GRIK2: variants seen among roughly 807,000 people sequenced by gnomAD.
GRIK2 encodes glutamate receptor ionotropic, kainate 2.
Under a neutral mutation model 100.3 loss-of-function variants are expected in GRIK2, and 32 were observed. The observed-to-expected ratio is 0.32, with a 90% CI of 0.24 to 0.43. The LOEUF is 0.43. Ranked by LOEUF, GRIK2 falls within the 20% of genes least tolerant of loss-of-function variation. GRIK2 has a pLI of 1.00. For synonymous variants in GRIK2, 417 were observed against 389.4 expected, an observed-to-expected ratio of 1.07 and a Z score of -0.83; for missense variants, 843 against 1,114.9, an observed-to-expected ratio of 0.76 and a Z score of 3.47.
chr6:101,737,048 T>A (rs1442053524), intron 7 of GRIK2, among the ~76,000 whole-genome samples: 1 of 152,140 alleles, frequency 6.6e-6, no homozygotes, highest in Non-Finnish European at 1.5e-5. Context: ...AATCACCTTT[T>A]CTCCAGTTCC....
rs919163255 is a variant in GRIK2 at position 101,467,454 on chromosome 6, G to A, written c.115+68062G>A. Among the ~76,000 whole-genome samples the A allele has an allele frequency of 4.6e-5, 7 of 152,222 alleles. No homozygotes were observed. In the South Asian group the frequency reaches 1.4e-3, roughly 32 times the overall value. Reference sequence around the variant, plus strand: ...AAAAGATACAAAGCTTTCAAGGTTTGGATCTGAGACAAAGTTTCCAGAGCC... The same window carrying A: ...AAAAGATACAAAGCTTTCAAGGTTTAGATCTGAGACAAAGTTTCCAGAGCC... On this transcript the variant is annotated intron_variant, in intron 2 of 16. Transcript: ENST00000369134.
chr6:101,991,653 T>A lies in GRIK2; in HGVS notation c.2086-43688T>A, dbSNP rs530427963. ...GTGGTGTTTAATTCAATGCCTAATC[T>A]ATTATCTGTGAAATAGAAAAAACAA... On this transcript the variant is annotated intron_variant, in intron 14 of 16. Transcript: ENST00000369134. Among the ~76,000 whole-genome samples the A allele has an allele frequency of 2.6e-5, 4 of 151,616 alleles. No individual in the cohort carries two copies. The South Asian group carries it at 8.3e-4, about 31-fold the overall frequency.
intron 2 of GRIK2, among the ~76,000 whole-genome samples, chr6:101,456,117 ATT>A (rs200054905): frequency 8.3e-5 from 12 of 144,280 alleles, no homozygotes; most frequent in Admixed American, 1.4e-4. Flanking sequence ...ATTGGGACAG[ATT>A]TTTTTTTTTT....
intron 2 of GRIK2, among the ~76,000 whole-genome samples, chr6:101,499,682 G>A (rs1773648343): frequency 1.3e-5 from 2 of 151,904 alleles, no homozygotes; most frequent in Admixed American, 6.6e-5. Context: ...TTTTCAAATT[G>A]GAGTATATTA....
chr6:101,437,038 A>G (rs1769762744), intron 2 of GRIK2, among the ~76,000 whole-genome samples: 1 of 151,356 alleles, frequency 6.6e-6, no homozygotes, highest in Non-Finnish European at 1.5e-5. Context: ...ATATATATAT[A>G]TATTTATACT....
At chr6:101,582,663 T>C (rs562404103) in intron 2 of GRIK2, among the ~76,000 whole-genome samples, 29 of 152,258 alleles carry the variant, frequency 1.9e-4, no homozygotes, top group African/African-American at 6.7e-4. Context: ...TAAGGAAATC[T>C]ACATGGAAAT....
At chr6:101,516,246 T>G (rs1774578694) in intron 2 of GRIK2, among the ~76,000 whole-genome samples, 1 of 152,060 alleles carries the variant, frequency 6.6e-6, no homozygotes. Context: ...ATTCTAAAAT[T>G]TATATGGGAC....
At chr6:101,663,472 G>C (rs560157154) in intron 4 of GRIK2, among the ~76,000 whole-genome samples, 45 of 152,326 alleles carry the variant, frequency 3.0e-4, no homozygotes, top group African/African-American at 1.1e-3. Context: ...GGGTGAGTCA[G>C]TCACACCGCC....
intron 7 of GRIK2, among the ~76,000 whole-genome samples, chr6:101,745,519 T>C (rs1366253542): frequency 1.3e-5 from 2 of 152,140 alleles, no homozygotes; most frequent in South Asian, 2.1e-4. Flanking sequence ...TTGAGAAATA[T>C]TTTATATATA....
rs536002619 is a variant in GRIK2 at position 101,513,671 on chromosome 6, G to A, written c.116-108278G>A. Among the ~76,000 whole-genome samples the A allele has an allele frequency of 8.5e-5, 13 of 152,170 alleles. No individual in the cohort carries two copies. In the South Asian group the frequency reaches 1.9e-3, roughly 22 times the overall value. On this transcript the variant is annotated intron_variant, in intron 2 of 16. Transcript: ENST00000369134. Reference sequence around the variant, plus strand: ...AAATAAAACCCAACCTGTCTGATGCGAATTTGTGATTTGTAGGCCATGACT... The same window carrying A: ...AAATAAAACCCAACCTGTCTGATGCAAATTTGTGATTTGTAGGCCATGACT...
chr6:101,832,175 T>C (rs949586180), intron 10 of GRIK2, among the ~76,000 whole-genome samples: 2 of 152,072 alleles, frequency 1.3e-5, no homozygotes, highest in African/African-American at 4.8e-5. Context: ...TTTTATATAA[T>C]TTCTGAAACT....
At chr6:101,494,298 A>G (rs966904433) in intron 2 of GRIK2, among the ~76,000 whole-genome samples, 13 of 151,380 alleles carry the variant, frequency 8.6e-5, no homozygotes, top group African/African-American at 1.7e-4. Context: ...TTAAATGCCC[A>G]TTTTGAAAAA....
At chr6:101,575,819 T>C (rs1037527612) in intron 2 of GRIK2, among the ~76,000 whole-genome samples, 7 of 152,076 alleles carry the variant, frequency 4.6e-5, no homozygotes, top group African/African-American at 1.7e-4. Flanking sequence ...CTGGTCTGCA[T>C]GTTCTGTCAT....
intron 4 of GRIK2, among the ~76,000 whole-genome samples, chr6:101,635,894 C>T (rs977203485): frequency 6.6e-6 from 1 of 152,172 alleles, no homozygotes; most frequent in Non-Finnish European, 1.5e-5. Context: ...TGCTTTTACA[C>T]TGTTGGTAGG....
chr6:101,667,302 G>C (rs1487656108), intron 4 of GRIK2, among the ~76,000 whole-genome samples: 1 of 152,118 alleles, frequency 6.6e-6, no homozygotes, highest in Non-Finnish European at 1.5e-5. Context: ...TTACAAATGG[G>C]AGTGGAGTAG....
intron 10 of GRIK2, among the ~76,000 whole-genome samples, chr6:101,842,704 C>G (rs1388149947): frequency 1.3e-5 from 2 of 152,176 alleles, no homozygotes; most frequent in Non-Finnish European, 2.9e-5. Context: ...ATGTGGCTAA[C>G]TACTACTGAT....
intron 2 of GRIK2, among the ~76,000 whole-genome samples, chr6:101,592,912 C>T (rs1052218321): frequency 3.3e-5 from 5 of 151,782 alleles, no homozygotes; most frequent in Admixed American, 2.6e-4. Context: ...AATTACATCA[C>T]ATGATTAATT....
At chr6:101,956,411 G>C (rs1436573500) in intron 14 of GRIK2, among the ~76,000 whole-genome samples, 1 of 152,018 alleles carries the variant, frequency 6.6e-6, no homozygotes, top group Admixed American at 6.6e-5. Flanking sequence ...GATTTCAGGG[G>C]TACAAGTGCA....
chr6:101,912,085 CAAACACACACACACAAACACACACACA>C (rs1788746142), intron 12 of GRIK2, among the ~76,000 whole-genome samples: 1 of 84,406 alleles, frequency 1.2e-5, no homozygotes, highest in Non-Finnish European at 2.2e-5. Context: ...CACACAGACA[CAAACACACACACACAAACACACACACA>C]GAGACCGAGA....
Sources: allele counts gnomAD v4.1 joint callset (sites outside exome capture counted in the v4.1 genomes callset), GRCh38; gene constraint gnomAD v4.1.1; transcripts MANE v1.5; gene names NCBI Gene and HGNC (gene_info 2026-07-23, HGNC 2026-07-21).